The following VWA3B variants were observed in gnomAD, a reference collection of about 807,000 sequenced individuals.
The protein encoded by VWA3B is von Willebrand factor A domain-containing protein 3B.
Under a neutral mutation model 158.3 loss-of-function variants are expected in VWA3B, and 138 were observed. The ratio of observed to expected loss-of-function variants is 0.87; its 90% CI spans 0.76 to 1.00. VWA3B has a LOEUF of 1.00. VWA3B is among the 50% of genes least tolerant of loss of function. The probability of loss-of-function intolerance (pLI) is 0.00; values close to 1 mark genes in which losing one functional copy is unlikely to be tolerated. For synonymous variants in VWA3B, 596 were observed against 587.3 expected, an observed-to-expected ratio of 1.01 and a Z score of -0.21; for missense variants, 1,555 against 1,565.1, an observed-to-expected ratio of 0.99 and a Z score of 0.11.
intron 19 of VWA3B, chr2:98,242,264 C>T (rs937150981): frequency 1.1e-5 from 5 of 456,024 alleles, no homozygotes; most frequent in African/African-American, 2.0e-5. Flanking sequence ...CAGTGTTTCC[C>T]GGACCAGCCT....
chr2:98,171,360 A>G (rs1179575645), intron 8 of VWA3B, among the ~76,000 whole-genome samples: 1 of 152,196 alleles, frequency 6.6e-6, no homozygotes, highest in East Asian at 1.9e-4. Flanking sequence ...TCCTGAGGAA[A>G]TAACTTTGGA....
At chr2:98,190,285 C>A (rs557592495) in intron 10 of VWA3B, among the ~76,000 whole-genome samples, 3 of 152,268 alleles carry the variant, frequency 2.0e-5, no homozygotes, top group African/African-American at 7.2e-5. Flanking sequence ...TATATCACTT[C>A]ATGTATATTA....
At chr2:98,162,765 G>A in intron 7 of VWA3B, 86 bp from the exon 8 acceptor site, 1 of 1,522,952 alleles carries the variant, frequency 6.6e-7, no homozygotes, top group Non-Finnish European at 8.8e-7. Flanking sequence ...CAGAAACTTG[G>A]CTGCAATGCG....
chr2:98,098,947 T>C (rs954062713), intron 2 of VWA3B, among the ~76,000 whole-genome samples: 15 of 152,166 alleles, frequency 9.9e-5, no homozygotes, highest in Non-Finnish European at 1.5e-4. Context: ...TTTAAGCTGA[T>C]AACAAGTTAA....
intron 9 of VWA3B, among the ~76,000 whole-genome samples, chr2:98,183,679 G>A (rs570356948): frequency 1.3e-5 from 2 of 152,224 alleles, no homozygotes; most frequent in Admixed American, 6.5e-5. Context: ...TATTTATGGA[G>A]CCCCTGCTAT....
chr2:98,097,423 ATACATTATT>A (rs1250989617), intron 2 of VWA3B, among the ~76,000 whole-genome samples: 1 of 152,206 alleles, frequency 6.6e-6, no homozygotes, highest in Non-Finnish European at 1.5e-5. Flanking sequence ...TTGCTGCAAA[ATACATTATT>A]TCATTCTTTT....
intron 9 of VWA3B, 112 bp downstream of exon 9, chr2:98,181,324 C>CT (rs1382100907): frequency 7.6e-6 from 9 of 1,185,070 alleles, no homozygotes; most frequent in Non-Finnish European, 9.6e-6. Context: ...GAGAAACCAG[C>CT]TTGGGTTTCT....
At chr2:98,188,849 G>A (rs1443587859) in intron 10 of VWA3B, among the ~76,000 whole-genome samples, 1 of 152,166 alleles carries the variant, frequency 6.6e-6, no homozygotes, top group Non-Finnish European at 1.5e-5. Flanking sequence ...CTGCCTTGAT[G>A]CCAGTGCAGT....
intron 2 of VWA3B, among the ~76,000 whole-genome samples, chr2:98,105,267 T>C (rs1683356441): frequency 6.6e-6 from 1 of 152,352 alleles, no homozygotes; most frequent in African/African-American, 2.4e-5. Context: ...CATTTATCCA[T>C]TTGTACATCC....
At chr2:98,106,029 C>A (rs967853715) in intron 2 of VWA3B, among the ~76,000 whole-genome samples, 3 of 152,120 alleles carry the variant, frequency 2.0e-5, no homozygotes, top group Non-Finnish European at 4.4e-5. Flanking sequence ...CATTCTCCTG[C>A]CTCAGCCTCC....
intron 22 of VWA3B, among the ~76,000 whole-genome samples, chr2:98,289,755 C>T (rs1276513831): frequency 1.3e-5 from 2 of 152,204 alleles, no homozygotes; most frequent in Non-Finnish European, 2.9e-5. Flanking sequence ...AGGAAGGCAG[C>T]AGTGCTGATC....
chr2:98,264,702 G>T (rs893356293), intron 21 of VWA3B, among the ~76,000 whole-genome samples: 1 of 152,068 alleles, frequency 6.6e-6, no homozygotes, highest in South Asian at 2.1e-4. Context: ...TTGGTGGAGG[G>T]TTCTCCACAT....
At chr2:98,096,483 G>T (rs1682719767) in intron 2 of VWA3B, among the ~76,000 whole-genome samples, 1 of 152,026 alleles carries the variant, frequency 6.6e-6, no homozygotes, top group Non-Finnish European at 1.5e-5. Context: ...TGGTCAGGCT[G>T]GTCTCGAATT....
chr2:98,234,835 C>G (rs1189035933), intron 17 of VWA3B, 68 bp downstream of exon 17: 1 of 1,600,714 alleles, frequency 6.2e-7, no homozygotes, highest in African/African-American at 1.3e-5. Flanking sequence ...CCAGAAAGAG[C>G]TGCGTGTAGA....
At chr2:98,123,783 G>A (rs1675154733) in intron 5 of VWA3B, among the ~76,000 whole-genome samples, 1 of 152,116 alleles carries the variant, frequency 6.6e-6, no homozygotes, top group South Asian at 2.1e-4. Flanking sequence ...TGCATCTTTG[G>A]AAGTTAGTAG....
At chr2:98,311,751 G>A in intron 26 of VWA3B, 68 bp from the exon 27 acceptor site, 2 of 1,462,722 alleles carry the variant, frequency 1.4e-6, no homozygotes, top group Non-Finnish European at 9.1e-7. Flanking sequence ...CCGTGGGGAT[G>A]GCTTGGACAT....
chr2:98,175,379 A>G (rs533624973), intron 8 of VWA3B, among the ~76,000 whole-genome samples: 2 of 152,370 alleles, frequency 1.3e-5, no homozygotes, highest in Non-Finnish European at 2.9e-5. Context: ...TTATTTAAGA[A>G]GCAAATAGAA....
At chr2:98,233,879 T>C (rs1685499410) in intron 16 of VWA3B, among the ~76,000 whole-genome samples, 2 of 152,178 alleles carry the variant, frequency 1.3e-5, no homozygotes, top group Non-Finnish European at 2.9e-5. Flanking sequence ...ACATTACAAT[T>C]AGTGTGGTTT....
At chr2:98,210,691 G>A (rs1683437955) in intron 12 of VWA3B, among the ~76,000 whole-genome samples, 1 of 152,144 alleles carries the variant, frequency 6.6e-6, no homozygotes, top group Non-Finnish European at 1.5e-5. Context: ...GGCTGGATGT[G>A]TTCTGGATCT....
Sources: allele counts gnomAD v4.1 joint callset (sites outside exome capture counted in the v4.1 genomes callset), GRCh38; gene constraint gnomAD v4.1.1; transcripts MANE v1.5; gene names NCBI Gene and HGNC (gene_info 2026-07-23, HGNC 2026-07-21).